Variants in LAMA2 observed in about 807,000 individuals in gnomAD.
LAMA2 encodes laminin subunit alpha 2.
Under a neutral mutation model 364.8 loss-of-function variants are expected in LAMA2, and 269 were observed. The ratio of observed to expected loss-of-function variants is 0.74; its 90% CI spans 0.67 to 0.82. The LOEUF (loss-of-function observed/expected upper bound fraction) is 0.82. Ranked by LOEUF, LAMA2 falls within the 40% of genes least tolerant of loss-of-function variation. The probability of loss-of-function intolerance (pLI) is 0.00; values close to 1 mark genes in which losing one functional copy is unlikely to be tolerated. For missense variants in LAMA2, 3,807 were observed against 3,873.2 expected (o/e 0.98, Z 0.45); for synonymous variants, 1,379 against 1,370.6 (o/e 1.01, Z -0.14).
At chr6:129,241,264 C>T (rs1785380990) in intron 12 of LAMA2, among the ~76,000 whole-genome samples, 1 of 152,076 alleles carries the variant, frequency 6.6e-6, no homozygotes, top group South Asian at 2.1e-4. Context: ...ATGCAAAATT[C>T]CATAGGGAAA....
At chr6:129,106,297 A>G (rs1269033721) in intron 4 of LAMA2, among the ~76,000 whole-genome samples, 8 of 152,160 alleles carry the variant, frequency 5.3e-5, no homozygotes, top group Admixed American at 2.0e-4. Flanking sequence ...TTGCAAATAC[A>G]GGAGAAGGAA....
At chr6:129,099,856 A>G (rs1020100386) in intron 4 of LAMA2, among the ~76,000 whole-genome samples, 6 of 152,214 alleles carry the variant, frequency 3.9e-5, no homozygotes, top group Non-Finnish European at 7.3e-5. Context: ...ACAAGGACTC[A>G]AATGCAGTGA....
chr6:128,932,743 C>T (rs11961514), intron 1 of LAMA2, among the ~76,000 whole-genome samples: 19,461 of 151,998 alleles, frequency 0.13, 1,569 homozygotes, highest in African/African-American at 0.23. Context: ...ATATGCATGA[C>T]GATTTAATAT....
At chr6:128,948,670 G>A (rs559368800) in intron 1 of LAMA2, among the ~76,000 whole-genome samples, 1 of 152,314 alleles carries the variant, frequency 6.6e-6, no homozygotes, top group South Asian at 2.1e-4. Flanking sequence ...GGATCATGGG[G>A]ACAGATCCCT....
rs1214826895 is a variant in LAMA2, at chr6:128,962,185, T to TATATATATACACACACAC, written c.112+78829_112+78830insTATATATACACACACACA. Among the ~76,000 whole-genome samples the TATATATATACACACACAC allele has an allele frequency of 4.6e-4, 48 of 103,928 alleles. 1 individual carries two copies. Among genetic ancestry groups the TATATATATACACACACAC allele is most frequent in the African/African-American group, 1.5e-3 (40 of 26,972 alleles). 68.2% of individuals were successfully genotyped at this position (103,928 alleles called of 152,430 possible). ...ATATATATATATATATATATATATATACACACATACACACACACATACACA... is the reference window on the plus strand; with the variant it reads ...ATATATATATATATATATATATATATATATATATACACACACACACACACATACACACACACATACACA... On this transcript the variant is annotated intron_variant, in intron 1 of 64. Coordinates refer to ENST00000421865, the MANE Select transcript of LAMA2 (RefSeq NM_000426.4).
At chr6:129,122,982 T>A (rs1452923725) in intron 4 of LAMA2, among the ~76,000 whole-genome samples, 1 of 152,108 alleles carries the variant, frequency 6.6e-6, no homozygotes, top group East Asian at 1.9e-4. Flanking sequence ...AGGAAAAAAG[T>A]AGGAAGGTTC....
At chr6:128,896,486 G>A (rs1340536188) in intron 1 of LAMA2, among the ~76,000 whole-genome samples, 2 of 146,902 alleles carry the variant, frequency 1.4e-5, no homozygotes, top group African/African-American at 5.0e-5. Context: ...TATTGCTTTT[G>A]TAAATAGCTA....
intron 1 of LAMA2, among the ~76,000 whole-genome samples, chr6:129,016,453 A>G (rs1194958090): frequency 1.3e-5 from 2 of 152,076 alleles, no homozygotes; most frequent in African/African-American, 4.8e-5. Context: ...ATTGGCATGA[A>G]TAAATATTTC....
In LAMA2 at chr6:129,026,922, C is replaced by T. The variant is rs74959340; in HGVS notation, c.113-22996C>T. ...TCATTGGTGTTTTGACAGCCATCTGCTCAGACCTTTATTTCTCTGTTCAGC... is the reference window on the plus strand; with the variant it reads ...TCATTGGTGTTTTGACAGCCATCTGTTCAGACCTTTATTTCTCTGTTCAGC... On this transcript the variant is annotated intron_variant, in intron 1 of 64. Transcript: ENST00000421865. Among the ~76,000 whole-genome samples, 57 of 152,172 alleles carry T rather than the reference C, an allele frequency of 3.7e-4. No individual in the cohort carries two copies. The East Asian group carries it at 0.011, about 29-fold the overall frequency.
At chr6:129,386,413 T>G (rs150130593) in intron 35 of LAMA2, among the ~76,000 whole-genome samples, 2 of 152,212 alleles carry the variant, frequency 1.3e-5, no homozygotes, top group East Asian at 3.9e-4. Flanking sequence ...AGACTTCTAT[T>G]AAAATGATGC....
At chr6:129,010,054 A>G (rs143505868) in intron 1 of LAMA2, among the ~76,000 whole-genome samples, 133 of 152,252 alleles carry the variant, frequency 8.7e-4, no homozygotes, top group African/African-American at 3.2e-3. Flanking sequence ...GCTGTTAGGG[A>G]TTATTGCAGG....
At chr6:129,339,436 A>G (rs1039854209) in intron 29 of LAMA2, among the ~76,000 whole-genome samples, 7 of 152,194 alleles carry the variant, frequency 4.6e-5, no homozygotes, top group African/African-American at 1.7e-4. Flanking sequence ...GTGTTATACA[A>G]TATTTATTCA....
chr6:129,178,865 A>G (rs1402907869), intron 10 of LAMA2, among the ~76,000 whole-genome samples: 3 of 151,936 alleles, frequency 2.0e-5, no homozygotes, highest in African/African-American at 7.3e-5. Context: ...ATGTCTGGAA[A>G]TATCAAGCTA....
intron 34 of LAMA2, among the ~76,000 whole-genome samples, 173 bp downstream of exon 34, chr6:129,370,163 T>G (rs960661391): frequency 2.6e-5 from 4 of 152,188 alleles, no homozygotes; most frequent in African/African-American, 9.7e-5. Flanking sequence ...TAGAAATCAG[T>G]AGCACGCAGA....
At chr6:129,240,243 A>C (rs1000628677) in intron 12 of LAMA2, among the ~76,000 whole-genome samples, 1 of 152,180 alleles carries the variant, frequency 6.6e-6, no homozygotes, top group Admixed American at 6.5e-5. Context: ...GCCTACCCAG[A>C]ATGAGGGTGG....
chr6:129,424,897 T>G (rs1781251113), intron 40 of LAMA2, among the ~76,000 whole-genome samples: 1 of 152,004 alleles, frequency 6.6e-6, no homozygotes, highest in Non-Finnish European at 1.5e-5. Flanking sequence ...CACCCAAAAA[T>G]TTGTACACAG....
chr6:129,479,017 A>G (rs935289056), intron 54 of LAMA2, among the ~76,000 whole-genome samples: 1 of 152,158 alleles, frequency 6.6e-6, no homozygotes, highest in East Asian at 1.9e-4. Flanking sequence ...TTGTGATCCA[A>G]TTTTCCAAAT....
chr6:128,959,307 C>T (rs560916425), intron 1 of LAMA2, among the ~76,000 whole-genome samples: 2 of 152,298 alleles, frequency 1.3e-5, no homozygotes, highest in East Asian at 3.9e-4. Context: ...TTCTCTCCCA[C>T]ATTTTTGTAG....
At chr6:129,105,246 A>G (rs1775752291) in intron 4 of LAMA2, among the ~76,000 whole-genome samples, 1 of 152,132 alleles carries the variant, frequency 6.6e-6, no homozygotes, top group Admixed American at 6.5e-5. Context: ...GAACAGCTAC[A>G]TAACATGCAT....
Sources: gnomAD v4.1 joint callset for allele counts (sites outside exome capture counted in the v4.1 genomes callset) on GRCh38, gnomAD v4.1.1 for gene constraint, MANE v1.5 for transcripts, NCBI Gene and HGNC (gene_info 2026-07-23, HGNC 2026-07-21) for gene names.